Variants in PHACTR3 observed in about 807,000 individuals in gnomAD.
The protein encoded by PHACTR3 is phosphatase and actin regulator 3.
In PHACTR3, 16 loss-of-function variants were observed where a neutral mutation model predicts 66.8. The ratio of observed to expected loss-of-function variants is 0.24; its 90% CI spans 0.16 to 0.36. The LOEUF (loss-of-function observed/expected upper bound fraction) is 0.36. PHACTR3 is among the 10% of genes least tolerant of loss of function. The probability of loss-of-function intolerance (pLI) is 1.00; values close to 1 mark genes in which losing one functional copy is unlikely to be tolerated. For missense variants in PHACTR3, 647 were observed against 719.9 expected, an observed-to-expected ratio of 0.90 and a Z score of 1.16; for synonymous variants, 323 against 292.1, an observed-to-expected ratio of 1.11 and a Z score of -1.08.
At chr20:59,794,847 C>T in intron 7 of PHACTR3, among the ~76,000 whole-genome samples, 1 of 152,106 alleles carries the variant, frequency 6.6e-6, no homozygotes, top group East Asian at 1.9e-4. Context: ...GGTAATTGTT[C>T]ATAATAGTGT....
chr20:59,656,814 G>C (rs1340569196), intron 1 of PHACTR3, among the ~76,000 whole-genome samples: 1 of 151,000 alleles, frequency 6.6e-6, no homozygotes, highest in Non-Finnish European at 1.5e-5. Flanking sequence ...TTTCTTAGTG[G>C]TTGCTGTGGG....
At chr20:59,836,655 A>C in intron 9 of PHACTR3, 95 bp downstream of exon 9, 1 of 1,241,094 alleles carries the variant, frequency 8.1e-7, no homozygotes, top group Non-Finnish European at 1.1e-6. Flanking sequence ...CTTCTCTGCA[A>C]GCGGAATGCT....
chr20:59,708,347 G>C (rs760834115), intron 1 of PHACTR3, among the ~76,000 whole-genome samples: 1 of 152,146 alleles, frequency 6.6e-6, no homozygotes, highest in Non-Finnish European at 1.5e-5. Flanking sequence ...AAGTTCTCTG[G>C]GCACCAGCTG....
At chr20:59,814,829 A>C (rs1028013384) in intron 8 of PHACTR3, among the ~76,000 whole-genome samples, 3 of 152,100 alleles carry the variant, frequency 2.0e-5, no homozygotes, top group African/African-American at 7.2e-5. Context: ...GGGGTCTGGA[A>C]ACCCATTTTT....
rs933774149 is a variant in PHACTR3 at position 59,618,973 on chromosome 20, G to A, written c.118+13841G>A. 3.3e-5 allele frequency among the ~76,000 whole-genome samples: 5 copies of A among 152,342 alleles called. No individual in the cohort carries two copies. The East Asian group carries it at 9.6e-4, about 29-fold the overall frequency. ...TTTATACATGAGAAGCTGGAAAATG[G>A]GAGTTGGACGTGGATTCCGTGGGCA... On this transcript the variant is annotated intron_variant, in intron 1 of 12. Coordinates refer to ENST00000371015, the MANE Select transcript of PHACTR3 (RefSeq NM_080672.5).
At chr20:59,764,397 T>G (rs2040107913) in intron 4 of PHACTR3, among the ~76,000 whole-genome samples, 1 of 152,198 alleles carries the variant, frequency 6.6e-6, no homozygotes, top group Non-Finnish European at 1.5e-5. Flanking sequence ...GGCCACATTG[T>G]CCTGGAGGAG....
intron 1 of PHACTR3, among the ~76,000 whole-genome samples, chr20:59,728,351 G>A (rs1211147688): frequency 2.0e-5 from 3 of 152,034 alleles, no homozygotes; most frequent in Non-Finnish European, 2.9e-5. Flanking sequence ...GGTGGTTCTT[G>A]GAAATGTGAA....
chr20:59,626,474 G>C (rs1190941283), intron 1 of PHACTR3: 2 of 152,350 alleles, frequency 1.3e-5, no homozygotes, highest in Non-Finnish European at 2.9e-5. Context: ...TGAGGGAGCT[G>C]GTCATGTGAC....
upstream of PHACTR3, among the ~76,000 whole-genome samples, chr20:59,604,133 G>A (rs1198296931): frequency 6.6e-6 from 1 of 152,082 alleles, no homozygotes; most frequent in Non-Finnish European, 1.5e-5. Context: ...GCAGGCCCAG[G>A]CCAGGTGGTT....
chr20:59,787,526 A>G (rs762314626), intron 7 of PHACTR3, among the ~76,000 whole-genome samples: 27 of 152,232 alleles, frequency 1.8e-4, no homozygotes, highest in Non-Finnish European at 3.4e-4. Flanking sequence ...CACTCTTTAT[A>G]TAAAGAAAAT....
intron 3 of PHACTR3, among the ~76,000 whole-genome samples, chr20:59,752,742 C>T (rs1021499407): frequency 6.6e-6 from 1 of 152,160 alleles, no homozygotes; most frequent in Non-Finnish European, 1.5e-5. Flanking sequence ...TTATTATTAA[C>T]AGCAGTGACA....
At chr20:59,662,201 T>C (rs1386705952) in intron 1 of PHACTR3, among the ~76,000 whole-genome samples, 1 of 152,062 alleles carries the variant, frequency 6.6e-6, no homozygotes, top group Non-Finnish European at 1.5e-5. Context: ...CTCAAAGGCA[T>C]GTAGTCTTGA....
chr20:59,786,710 C>T (rs543594275), intron 7 of PHACTR3, among the ~76,000 whole-genome samples: 55 of 152,028 alleles, frequency 3.6e-4, no homozygotes, highest in African/African-American at 1.3e-3. Flanking sequence ...CCACAGAGCA[C>T]TCTCTGTGCA....
At chr20:59,806,303 G>A (rs936896349) in intron 8 of PHACTR3, 109 bp downstream of exon 8, 85 of 1,392,136 alleles carry the variant, frequency 6.1e-5, no homozygotes, top group East Asian at 5.0e-4. Context: ...ACAACCCACC[G>A]TCTGCAGCAG....
At chr20:59,586,476 A>G (rs1313516406) in intron 1 of PHACTR3, among the ~76,000 whole-genome samples, 1 of 152,138 alleles carries the variant, frequency 6.6e-6, no homozygotes, top group Admixed American at 6.5e-5. Context: ...TGGCTTTGCT[A>G]TCTGTGCCTT....
chr20:59,610,231 C>G (rs577419114), intron 1 of PHACTR3, among the ~76,000 whole-genome samples: 2 of 152,226 alleles, frequency 1.3e-5, no homozygotes, highest in Non-Finnish European at 2.9e-5. Flanking sequence ...CTCCAACCTG[C>G]GTGACAGAGG....
chr20:59,798,196 A>G (rs890579669), intron 7 of PHACTR3, among the ~76,000 whole-genome samples: 3 of 151,840 alleles, frequency 2.0e-5, no homozygotes, highest in African/African-American at 7.3e-5. Context: ...TGGAAGGACA[A>G]AAAGATGTGA....
At chr20:59,682,369 G>A (rs2036693227) in intron 1 of PHACTR3, among the ~76,000 whole-genome samples, 1 of 152,098 alleles carries the variant, frequency 6.6e-6, no homozygotes, top group Non-Finnish European at 1.5e-5. Context: ...ACAAAAAAAA[G>A]GGAAAGAAAT....
chr20:59,815,456 C>A (rs940365280), intron 8 of PHACTR3, among the ~76,000 whole-genome samples: 1 of 139,452 alleles, frequency 7.2e-6, no homozygotes, highest in African/African-American at 2.8e-5. Flanking sequence ...GATGGACTCT[C>A]ACTCTGTCTC....
Sources: allele counts gnomAD v4.1 joint callset (sites outside exome capture counted in the v4.1 genomes callset), GRCh38; gene constraint gnomAD v4.1.1; transcripts MANE v1.5; gene names NCBI Gene and HGNC (gene_info 2026-07-23, HGNC 2026-07-21).